The following CTBP2 variants were observed in gnomAD, a reference collection of about 807,000 sequenced individuals.
CTBP2 encodes the protein C-terminal-binding protein 2.
CTBP2 carries 30 observed loss-of-function variants against 80.3 expected under a neutral mutation model. That is an observed-to-expected ratio of 0.37 (90% confidence interval 0.28 to 0.51). CTBP2 has a LOEUF of 0.51. CTBP2 is among the 20% of genes least tolerant of loss of function. The probability of loss-of-function intolerance (pLI) is 0.93; values close to 1 mark genes in which losing one functional copy is unlikely to be tolerated. For missense variants in CTBP2, 1,212 were observed against 1,375.3 expected (o/e 0.88, Z 1.88); for synonymous variants, 594 against 587.4 (o/e 1.01, Z -0.16).
intron 1 of CTBP2, among the ~76,000 whole-genome samples, chr10:125,141,402 G>A (rs774183890): frequency 5.3e-5 from 8 of 152,126 alleles, no homozygotes; most frequent in Non-Finnish European, 1.2e-4. Context: ...CCTCGGGGCC[G>A]GCACCAGCCT....
At chr10:125,002,494 G>A (rs1160212438) in intron 3 of CTBP2, among the ~76,000 whole-genome samples, 1 of 152,222 alleles carries the variant, frequency 6.6e-6, no homozygotes, top group African/African-American at 2.4e-5. Flanking sequence ...ACCACATGCT[G>A]CTAAGGCTGC....
intron 2 of CTBP2, among the ~76,000 whole-genome samples, chr10:125,040,802 C>T (rs1418111740): frequency 6.6e-6 from 1 of 152,224 alleles, no homozygotes; most frequent in African/African-American, 2.4e-5. Flanking sequence ...AAGTTAACGG[C>T]TAATTTCCCA....
chr10:125,130,878 G>A (rs1461529598), intron 1 of CTBP2, among the ~76,000 whole-genome samples: 1 of 152,220 alleles, frequency 6.6e-6, no homozygotes, highest in Non-Finnish European at 1.5e-5. Context: ...GCCACCCAGA[G>A]AGGGCAAAGG....
chr10:125,100,390 A>G (rs1204504298), intron 2 of CTBP2, among the ~76,000 whole-genome samples: 1 of 152,216 alleles, frequency 6.6e-6, no homozygotes, highest in Non-Finnish European at 1.5e-5. Context: ...TACCATCTGC[A>G]CTTGGTAATT....
chr10:125,123,646 T>A (rs1189757657), intron 1 of CTBP2, among the ~76,000 whole-genome samples: 1 of 152,330 alleles, frequency 6.6e-6, no homozygotes, highest in South Asian at 2.1e-4. Context: ...TGACACTGCT[T>A]ACGCACTCAA....
intron 1 of CTBP2, chr10:125,025,960 TGG>T: frequency 8.0e-7 from 1 of 1,250,552 alleles, no homozygotes; most frequent in Non-Finnish European, 1.1e-6. Flanking sequence ...TCTTGTTTGG[TGG>T]TGTGTGTGTG....
chr10:125,099,921 C>T (rs1345203175), intron 2 of CTBP2, among the ~76,000 whole-genome samples: 2 of 152,170 alleles, frequency 1.3e-5, no homozygotes, highest in African/African-American at 4.8e-5. Context: ...CAGGACTTTG[C>T]GCAGGCTCAG....
intron 1 of CTBP2, among the ~76,000 whole-genome samples, chr10:125,129,926 C>T (rs573724033): frequency 6.6e-6 from 1 of 152,146 alleles, no homozygotes; most frequent in South Asian, 2.1e-4. Context: ...GACCCTGCAC[C>T]GAAAAGGGCC....
At chr10:125,080,155 ACT>A (rs1193787309) in intron 2 of CTBP2, among the ~76,000 whole-genome samples, 1 of 152,114 alleles carries the variant, frequency 6.6e-6, no homozygotes, top group Non-Finnish European at 1.5e-5. Flanking sequence ...GGCATTTTAT[ACT>A]CTGTTTAACT....
At chr10:125,009,739 C>T (rs934222087) in intron 1 of CTBP2, among the ~76,000 whole-genome samples, 2 of 152,168 alleles carry the variant, frequency 1.3e-5, no homozygotes, top group South Asian at 2.1e-4. Context: ...CTGGGACGTA[C>T]GCAAGTGCCT....
chr10:125,029,915 G>A (rs1958008697), upstream of CTBP2, among the ~76,000 whole-genome samples: 1 of 152,150 alleles, frequency 6.6e-6, no homozygotes, highest in African/African-American at 2.4e-5. Flanking sequence ...GTGATCGCAG[G>A]AGCAGGGCAG....
In CTBP2 at chr10:125,067,325, A is replaced by G. The variant is rs1844803926; in HGVS notation, c.-101-28170T>C. Among the ~76,000 whole-genome samples the G allele has an allele frequency of 5.3e-5, 8 of 152,332 alleles. 1 individual carries two copies. The South Asian group carries it at 1.7e-3, about 32-fold the overall frequency. On this transcript the variant is annotated intron_variant, in intron 2 of 10. Transcript: ENST00000337195. ...AGAAAGACAGTGACATACAAGGTGA[A>G]AAACTGGACAGGATTCTGGGATGGA...
At chr10:125,073,376 T>C (rs1030470678) in intron 2 of CTBP2, among the ~76,000 whole-genome samples, 2 of 152,190 alleles carry the variant, frequency 1.3e-5, no homozygotes, top group East Asian at 1.9e-4. Flanking sequence ...CCTGAGTAAC[T>C]GGAATTACAA....
chr10:125,014,169 C>T (rs1956232451), intron 1 of CTBP2, among the ~76,000 whole-genome samples: 1 of 152,234 alleles, frequency 6.6e-6, no homozygotes, highest in Admixed American at 6.5e-5. Context: ...GTGCTGGCCC[C>T]ACTCCCCAAG....
intron 3 of CTBP2, among the ~76,000 whole-genome samples, chr10:125,034,334 C>G (rs1045938176): frequency 1.3e-5 from 2 of 152,178 alleles, no homozygotes; most frequent in Admixed American, 1.3e-4. Context: ...AAACTTTACC[C>G]CTTGCAAAGA....
intron 2 of CTBP2, among the ~76,000 whole-genome samples, chr10:125,091,733 C>A (rs1285256055): frequency 2.0e-5 from 3 of 152,114 alleles, no homozygotes; most frequent in Non-Finnish European, 4.4e-5. Flanking sequence ...TGTGCCACTG[C>A]ACTACAGCCT....
In CTBP2 at chr10:125,026,811, A is replaced by G; in HGVS notation, c.949T>C (p.Ser317Pro). 1.2e-6 allele frequency: 2 copies of G among 1,613,286 alleles called. No homozygotes were observed. The highest frequency in any genetic ancestry group is 1.1e-5 in the South Asian group (1 of 91,086). ...TCCAGGGTAGCCAGGACGGCCGGGG[A>G]GTCAAAGCCCTGCTGCAGTAGGGCT... is the stretch of plus-strand genomic sequence containing the variant. Residue 317 changes from serine (S) to proline (P), a missense_variant, in exon 1 of 9, where the codon TCC (serine) becomes CCC (proline). Coordinates refer to ENST00000309035, the MANE Select transcript of CTBP2 (RefSeq NM_022802.3).
In CTBP2 at chr10:124,986,555, G is replaced by C. The variant is rs1589861872; in HGVS notation, c.*2963C>G. 6.6e-6 allele frequency: 1 copy of C among 152,090 alleles called. No individual in the cohort carries two copies. Among genetic ancestry groups the C allele is most frequent in the Non-Finnish European group, 1.5e-5 (1 of 68,034 alleles). The allele number at this position is 152,090 out of a possible 1,614,324, so 9.4% of individuals were successfully genotyped here. On this transcript the variant is annotated 3_prime_UTR_variant, in exon 9 of 9. Transcript: ENST00000309035. Reference sequence around the variant, plus strand: ...CATTTTTTGCTGCATGCTAAATCTTGCAGGAAAAATGATTTTTTAGTACGA... The same window carrying C: ...CATTTTTTGCTGCATGCTAAATCTTCCAGGAAAAATGATTTTTTAGTACGA...
At chr10:124,990,728 G>A (rs576863124) in intron 8 of CTBP2, among the ~76,000 whole-genome samples, 7 of 152,320 alleles carry the variant, frequency 4.6e-5, no homozygotes, top group Non-Finnish European at 1.0e-4. Context: ...AGAGCCCTTG[G>A]GAAGTGACTG....
Sources: allele counts gnomAD v4.1 joint callset (sites outside exome capture counted in the v4.1 genomes callset), GRCh38; gene constraint gnomAD v4.1.1; transcripts MANE v1.5; gene names NCBI Gene and HGNC (gene_info 2026-07-23, HGNC 2026-07-21).